The following DENND2B variants were observed in gnomAD, a reference collection of about 807,000 sequenced individuals.
The protein encoded by DENND2B is DENN domain containing 2B, also known as DENN domain-containing protein 2B.
Under a neutral mutation model 116.0 loss-of-function variants are expected in DENND2B, and 32 were observed. The observed-to-expected ratio is 0.28, with a 90% confidence interval of 0.21 to 0.37. The LOEUF (loss-of-function observed/expected upper bound fraction) is 0.37. Ranked by LOEUF, DENND2B falls within the 10% of genes least tolerant of loss-of-function variation. The pLI is 1.00. For synonymous variants in DENND2B, 588 were observed against 583.9 expected (o/e 1.01, Z -0.10); for missense variants, 1,276 against 1,477.7 (o/e 0.86, Z 2.24).
intron 1 of DENND2B, among the ~76,000 whole-genome samples, chr11:8,884,551 T>C (rs1364703519): frequency 6.6e-6 from 1 of 152,212 alleles, no homozygotes; most frequent in East Asian, 1.9e-4. Context: ...AGAATTAAGT[T>C]GTGGTAGGTT....
chr11:8,889,183 C>T (rs1036449683), intron 1 of DENND2B, among the ~76,000 whole-genome samples: 32 of 152,168 alleles, frequency 2.1e-4, no homozygotes, highest in African/African-American at 7.2e-4. Context: ...ACAAAAATGT[C>T]CATCAATGGA....
chr11:8,864,080 GAA>G (rs1174482505), intron 2 of DENND2B, among the ~76,000 whole-genome samples: 1 of 151,988 alleles, frequency 6.6e-6, no homozygotes, highest in African/African-American at 2.4e-5. Flanking sequence ...ATGACTAATA[GAA>G]AAAATAACTG....
rs2043932175 is a variant in DENND2B at position 8,712,455 on chromosome 11, T to G, written c.2172+96A>C. On this transcript the variant is annotated intron_variant, in intron 9 of 19. Coordinates refer to ENST00000313726, the MANE Select transcript of DENND2B (RefSeq NM_213618.2). This position sits in a 1 kb window ranked among gnomAD's most constrained non-coding sequence, Gnocchi z 4.4. ...GCTGTGGCAGCTCGGTGAGGACGTA[T>G]GACGAACAAGATCTCTCTCCTTCCC... The G allele has an allele frequency of 7.3e-7, 1 of 1,369,302 alleles. No individual in the cohort carries two copies. Among genetic ancestry groups the G allele is most frequent in the African/African-American group, 1.5e-5 (1 of 68,838 alleles). 84.8% of individuals were successfully genotyped at this position (1,369,302 alleles called of 1,614,324 possible).
intron 4 of DENND2B, among the ~76,000 whole-genome samples, chr11:8,829,683 C>T (rs1450154832): frequency 1.3e-5 from 2 of 152,154 alleles, no homozygotes; most frequent in African/African-American, 2.4e-5. Flanking sequence ...ACACTCTCTT[C>T]CATGCTGCTG....
intron 13 of DENND2B, among the ~76,000 whole-genome samples, chr11:8,705,028 C>A (rs930228171): frequency 1.3e-5 from 2 of 152,094 alleles, no homozygotes; most frequent in Non-Finnish European, 2.9e-5. Context: ...TTGAGAAAAT[C>A]AAAGCCATCA....
intron 4 of DENND2B, among the ~76,000 whole-genome samples, chr11:8,724,910 C>A (rs1024432119): frequency 6.6e-5 from 10 of 152,216 alleles, no homozygotes; most frequent in Non-Finnish European, 8.8e-5. Flanking sequence ...TACGCTTGGG[C>A]TCCCCAGCTG....
At chr11:8,852,098 G>A (rs961490427) in intron 3 of DENND2B, among the ~76,000 whole-genome samples, 1 of 152,168 alleles carries the variant, frequency 6.6e-6, no homozygotes, top group African/African-American at 2.4e-5. Context: ...GAGTTTTGAA[G>A]GATGAATTTG....
At chr11:8,752,451 CA>C (rs34736915) in intron 1 of DENND2B, among the ~76,000 whole-genome samples, 19 of 142,188 alleles carry the variant, frequency 1.3e-4, no homozygotes, top group African/African-American at 3.4e-4. Flanking sequence ...GATTCTGTCT[CA>C]AAAAAAAAAG....
At chr11:8,865,939 CA>C (rs1164890125) in intron 2 of DENND2B, among the ~76,000 whole-genome samples, 1 of 151,296 alleles carries the variant, frequency 6.6e-6, no homozygotes, top group East Asian at 2.0e-4. Flanking sequence ...GAGGATATTG[CA>C]GCCCTATTTT....
At chr11:8,876,902 G>A (rs1028000193) in intron 2 of DENND2B, among the ~76,000 whole-genome samples, 7 of 150,340 alleles carry the variant, frequency 4.7e-5, no homozygotes, top group Non-Finnish European at 8.9e-5. Context: ...AAGAAAGAAA[G>A]AAAAGAAAAG....
At chr11:8,835,014 G>C (rs758841646) in intron 4 of DENND2B, among the ~76,000 whole-genome samples, 3 of 152,204 alleles carry the variant, frequency 2.0e-5, no homozygotes, top group Non-Finnish European at 4.4e-5. Context: ...GGGAGGCCAA[G>C]GTGGGCGGAT....
intron 2 of DENND2B, among the ~76,000 whole-genome samples, chr11:8,741,659 T>C (rs1196409221): frequency 2.0e-5 from 3 of 152,078 alleles, no homozygotes; most frequent in African/African-American, 4.8e-5. Flanking sequence ...ACAATACAAG[T>C]GATGTGGTGC....
chr11:8,729,455 G>A (rs1241978609), intron 3 of DENND2B, among the ~76,000 whole-genome samples: 1 of 152,182 alleles, frequency 6.6e-6, no homozygotes, highest in African/African-American at 2.4e-5. Flanking sequence ...ATGGCCAGGA[G>A]GCCTTCAGGA....
chr11:8,751,631 G>C (rs2052522279), intron 1 of DENND2B, among the ~76,000 whole-genome samples: 1 of 152,052 alleles, frequency 6.6e-6, no homozygotes, highest in Admixed American at 6.6e-5. Flanking sequence ...CAGACATGCG[G>C]CCTTTAAGAA....
intron 16 of DENND2B, 93 bp from the exon 17 acceptor site, chr11:8,697,729 T>G (rs2040628833): frequency 2.5e-6 from 2 of 794,120 alleles, no homozygotes; most frequent in African/African-American, 3.4e-5. Flanking sequence ...GTAGATAATC[T>G]CATTTATCTC....
intron 1 of DENND2B, among the ~76,000 whole-genome samples, chr11:8,789,830 C>T (rs1341383623): frequency 6.6e-6 from 1 of 152,146 alleles, no homozygotes; most frequent in Non-Finnish European, 1.5e-5. Context: ...TGGCACATGC[C>T]TGTAGTCCCA....
intron 1 of DENND2B, among the ~76,000 whole-genome samples, chr11:8,908,820 C>G (rs1189927505): frequency 6.6e-6 from 1 of 152,102 alleles, no homozygotes; most frequent in African/African-American, 2.4e-5. Flanking sequence ...CTTTTTTATT[C>G]TCCTTTAGTC....
In DENND2B at chr11:8,824,088, G is replaced by A. The variant is rs576198520; in HGVS notation, c.-114-12753C>T. ...CGGCTAATTTTTTGTATTTTCAGTA[G>A]AGGTGGGGTTTCACCGTGTTAGCCA... is the stretch of plus-strand genomic sequence containing the variant. On this transcript the variant is annotated intron_variant, in intron 4 of 6. Coordinates refer to the DENND2B transcript ENST00000524757. Among the ~76,000 whole-genome samples the A allele has an allele frequency of 1.1e-4, 17 of 152,060 alleles. No individual in the cohort carries two copies. In the South Asian group the frequency reaches 2.9e-3, roughly 26 times the overall value.
intron 18 of DENND2B, 114 bp downstream of exon 18, chr11:8,696,313 A>G (rs368671441): frequency 6.9e-7 from 1 of 1,449,654 alleles, no homozygotes; most frequent in East Asian, 2.3e-5. Context: ...AGGTAAAGGG[A>G]TGTTAAGAGG....
Sources: gnomAD v4.1 joint callset for allele counts (sites outside exome capture counted in the v4.1 genomes callset) on GRCh38, gnomAD v4.1.1 for gene constraint, Gnocchi (gnomAD v3.1) non-coding constraint, MANE v1.5 for transcripts, NCBI Gene and HGNC (gene_info 2026-07-23, HGNC 2026-07-21) for gene names.